ZNF724: variants seen among roughly 807,000 people sequenced by gnomAD.
ZNF724 encodes zinc finger protein 724, also known as zinc finger protein 724 pseudogene.
Under a neutral mutation model 29.3 loss-of-function variants are expected in ZNF724, and 14 were observed. The observed-to-expected ratio is 0.48, with a 90% CI of 0.32 to 0.75. ZNF724 has a LOEUF of 0.75. Among genes scored for constraint, ZNF724 ranks in the 30% least tolerant of loss-of-function variants. The probability of loss-of-function intolerance (pLI) is 0.04; values close to 1 mark genes in which losing one functional copy is unlikely to be tolerated. For missense variants in ZNF724, 557 were observed against 571.2 expected (o/e 0.98, Z 0.25); for synonymous variants, 180 against 193.6 (o/e 0.93, Z 0.58).
At chr19:23,241,512 C>A (rs1214990454) in intron 1 of ZNF724, among the ~76,000 whole-genome samples, 2 of 152,058 alleles carry the variant, frequency 1.3e-5, no homozygotes, top group African/African-American at 4.8e-5. Flanking sequence ...TATGGGCAAA[C>A]CAAATCCAGC....
rs764745803 is a variant in ZNF724, at chr19:23,223,146, TG to T, written c.1098del (p.Tyr366Ter). On this transcript the variant is annotated frameshift_variant, in exon 4 of 4. Coordinates refer to ENST00000418100, the MANE Select transcript of ZNF724 (RefSeq NM_001355404.2). LOFTEE classifies it high-confidence loss of function. ...HKRIHTGEKP[Y>X]KCEECGKAFN... is the part of the protein sequence containing the mutation. ...AAGGCTTTGCCACACTCTTCACATT[TG>T]TAAGGTTTCTCTCCAGTATGAATTC... The T allele has an allele frequency of 3.6e-5, 46 of 1,291,462 alleles. No homozygotes were observed. Among genetic ancestry groups the T allele is most frequent in the Non-Finnish European group, 5.0e-5 (44 of 887,210 alleles). The allele number at this position is 1,291,462 out of a possible 1,614,324, so 80.0% of individuals were successfully genotyped here.
At chr19:23,248,020 C>T (rs1599651914) in intron 1 of ZNF724, among the ~76,000 whole-genome samples, 1 of 152,042 alleles carries the variant, frequency 6.6e-6, no homozygotes, top group East Asian at 1.9e-4. Flanking sequence ...CAGGAAAAAA[C>T]TAAAGGGTAG....
Position 23,222,775 on chromosome 19 carries a change from G to T in ZNF724, c.1470C>A (p.Ser490=), listed in dbSNP as rs533185874. The T allele has an allele frequency of 8.5e-6, 12 of 1,410,462 alleles. No homozygotes were observed. Among genetic ancestry groups the T allele is most frequent in the South Asian group, 1.2e-5 (1 of 84,196 alleles). The allele number at this position is 1,410,462 out of a possible 1,614,324, so 87.4% of individuals were successfully genotyped here. The part of the protein sequence containing the change: ...CEECGKAFNL[S]SHLTTHKKIH... ...TTTTCTTATGTGTTGTAAGGTGTGAGGATAGGTTAAAAGCTTTGCCACATT... is the reference window on the plus strand; with the variant it reads ...TTTTCTTATGTGTTGTAAGGTGTGATGATAGGTTAAAAGCTTTGCCACATT... Residue 490 remains serine, a synonymous_variant, in exon 4 of 4, where the codon TCC becomes TCA. Coordinates refer to ENST00000418100, the MANE Select transcript of ZNF724 (RefSeq NM_001355404.2).
chr19:23,238,685 T>C (rs910560789), intron 1 of ZNF724, among the ~76,000 whole-genome samples: 1 of 152,090 alleles, frequency 6.6e-6, no homozygotes, highest in African/African-American at 2.4e-5. Flanking sequence ...GAGGCCGAGG[T>C]GGTTAGATCA....
intron 1 of ZNF724, chr19:23,236,485 C>T (rs1972022999): frequency 1.3e-5 from 2 of 153,396 alleles, no homozygotes; most frequent in Admixed American, 1.3e-4. Flanking sequence ...CCAACTCATT[C>T]ATGACACCAT....
chr19:23,231,337 A>G lies in ZNF724; in HGVS notation c.155T>C (p.Leu52Pro). ...TTTGCCTTGCTCCAGACAGGTGATC[A>G]GGTCTGGCTTAGAGACAGCAATACC... ...FLGIAVSKPD[L>P]ITCLEQGKEP... The change falls in exon 3 of 4, where the codon CTG (leucine) becomes CCG (proline). Residue 52 changes from leucine (L) to proline (P), a missense_variant. This residue lies in a region of ZNF724 where 362 missense variants were observed against 295.5 expected (regional missense o/e 1.22). Transcript: ENST00000418100. 7.2e-7 allele frequency: 1 copy of G among 1,386,790 alleles called. No individual in the cohort carries two copies. The highest frequency in any genetic ancestry group is 1.0e-6 in the Non-Finnish European group (1 of 976,026). 85.9% of individuals were successfully genotyped at this position (1,386,790 alleles called of 1,614,324 possible).
At chr19:23,234,173 A>C (rs1971985682) in intron 1 of ZNF724, among the ~76,000 whole-genome samples, 1 of 152,200 alleles carries the variant, frequency 6.6e-6, no homozygotes, top group Non-Finnish European at 1.5e-5. Context: ...AGTAAAACTT[A>C]ACTCTCATGA....
chr19:23,223,721 C>T lies in ZNF724; in HGVS notation c.524G>A (p.Cys175Tyr). 1 of 724,486 alleles carries T rather than the reference C, an allele frequency of 1.4e-6. No homozygotes were observed. Among genetic ancestry groups the T allele is most frequent in the African/African-American group, 1.7e-5 (1 of 57,454 alleles). The allele number at this position is 724,486 out of a possible 1,614,324, so 44.9% of individuals were successfully genotyped here. A position where few individuals can be genotyped will look rare whatever the true frequency, so the allele number is the denominator to read the frequency against. ...TGAAAGAACACAAAATGACTTGCCA[C>T]ATTCTTTACATTTGAAAGGATTCTT... Reference protein sequence around the residue: ...TEKNPFKCKECGKSFCVLSHL... With the variant: ...TEKNPFKCKEYGKSFCVLSHL... The change falls in exon 4 of 4, where the codon TGT (cysteine) becomes TAT (tyrosine). Residue 175 changes from cysteine to tyrosine, a missense_variant. Physicochemically the swap from Cys to Tyr is radical, Grantham distance 194. Coordinates refer to ENST00000418100, the MANE Select transcript of ZNF724 (RefSeq NM_001355404.2).
intron 1 of ZNF724, among the ~76,000 whole-genome samples, chr19:23,237,821 C>T (rs1972048299): frequency 6.6e-6 from 1 of 151,782 alleles, no homozygotes; most frequent in South Asian, 2.1e-4. Context: ...TAAATAGGAA[C>T]CAAAGCATAA....
chr19:23,245,630 ATC>A (rs1195039890), intron 1 of ZNF724, among the ~76,000 whole-genome samples: 2 of 151,568 alleles, frequency 1.3e-5, no homozygotes, highest in Admixed American at 1.3e-4. Flanking sequence ...AAAAAAAATT[ATC>A]TGATTTAGAA....
chr19:23,239,684 G>A (rs1256829690), intron 1 of ZNF724, among the ~76,000 whole-genome samples: 3 of 152,128 alleles, frequency 2.0e-5, no homozygotes, highest in East Asian at 1.9e-4. Context: ...GGGGGCACTC[G>A]CCTGTAATCT....
Position 23,250,255 on chromosome 19 carries a change from AG to A in ZNF724, c.-14del. On this transcript the variant is annotated 5_prime_UTR_variant, in exon 1 of 4. Transcript: ENST00000418100. ...CCACTCTCACCATTTCTAGGCTTCC[AG>A]GGGAGGCCCTGGCGTCTTAGCTGTG... is the stretch of plus-strand genomic sequence containing the variant. The A allele has an allele frequency of 1.5e-6, 1 of 685,902 alleles. No individual in the cohort carries two copies. Among genetic ancestry groups the A allele is most frequent in the Non-Finnish European group, 2.5e-6 (1 of 394,676 alleles). 42.5% of individuals were successfully genotyped at this position (685,902 alleles called of 1,614,324 possible). A position where few individuals can be genotyped will look rare whatever the true frequency, so the allele number is the denominator to read the frequency against.
intron 3 of ZNF724, among the ~76,000 whole-genome samples, chr19:23,228,868 C>T (rs3851026): frequency 0.49 from 72,248 of 147,922 alleles, 19,160 homozygotes; most frequent in East Asian, 0.68. Flanking sequence ...CCAGCCTGGG[C>T]GACAGAGCGA....
In ZNF724 at chr19:23,223,014, T is replaced by C. The variant is rs746667365; in HGVS notation, c.1231A>G (p.Thr411Ala). Residue 411 changes from threonine (T) to alanine (A), a missense_variant, in exon 4 of 4, where the codon ACA becomes GCA. Coordinates refer to ENST00000418100, the MANE Select transcript of ZNF724 (RefSeq NM_001355404.2). ...TCTCCGGTATGAATTCTTTTATGTG[T>C]GGTGAGGTGTGAGGATGTGTTAAAG... is the stretch of plus-strand genomic sequence containing the variant. ...KAFNTSSHLT[T>A]HKRIHTGEKP... 2.2e-6 allele frequency: 3 copies of C among 1,341,916 alleles called. No individual in the cohort carries two copies. The highest frequency in any genetic ancestry group is 3.2e-6 in the Non-Finnish European group (3 of 933,688). 83.1% of individuals were successfully genotyped at this position (1,341,916 alleles called of 1,614,324 possible).
chr19:23,228,921 G>A (rs899002568), intron 3 of ZNF724, among the ~76,000 whole-genome samples: 8 of 151,334 alleles, frequency 5.3e-5, no homozygotes, highest in South Asian at 2.1e-4. Context: ...AAAATTTTCC[G>A]GGCATGGTGG....
At chr19:23,235,361 T>C (rs1386759742) in intron 1 of ZNF724, among the ~76,000 whole-genome samples, 1 of 152,202 alleles carries the variant, frequency 6.6e-6, no homozygotes, top group Non-Finnish European at 1.5e-5. Context: ...GAATTTAATG[T>C]AGTTTAAAGA....
At chr19:23,238,675 G>A (rs1215262751) in intron 1 of ZNF724, among the ~76,000 whole-genome samples, 2 of 152,148 alleles carry the variant, frequency 1.3e-5, no homozygotes, top group Non-Finnish European at 2.9e-5. Context: ...TGCACTCTAC[G>A]AGGCCGAGGT....
At position 23,250,268 on chromosome 19, in the gene ZNF724, G is replaced by C; in HGVS notation, c.-26C>G. 1.5e-6 allele frequency: 1 copy of C among 685,748 alleles called. No homozygotes were observed. Among genetic ancestry groups the C allele is most frequent in the East Asian group, 4.9e-5 (1 of 20,598 alleles). 42.5% of individuals were successfully genotyped at this position (685,748 alleles called of 1,614,324 possible). On this transcript the variant is annotated 5_prime_UTR_variant, in exon 1 of 4. Transcript: ENST00000418100. ...TTCTAGGCTTCCAGGGGAGGCCCTG[G>C]CGTCTTAGCTGTGGATCTCCCAATG...
intron 1 of ZNF724, among the ~76,000 whole-genome samples, chr19:23,249,028 AGAAAAG>A (rs949549640): frequency 2.6e-5 from 4 of 151,838 alleles, no homozygotes; most frequent in Non-Finnish European, 5.9e-5. Flanking sequence ...ACTAAGAAGA[AGAAAAG>A]AGGAGAGAAA....
Sources: gnomAD v4.1 joint callset for allele counts (sites outside exome capture counted in the v4.1 genomes callset) on GRCh38, gnomAD v4.1.1 for gene constraint, gnomAD v4.1.1 regional missense constraint, MANE v1.5 for transcripts, NCBI Gene and HGNC (gene_info 2026-07-23, HGNC 2026-07-21) for gene names.